The following ABL2 variants were observed in gnomAD, a reference collection of about 807,000 sequenced individuals.
ABL2 encodes ABL proto-oncogene 2, non-receptor tyrosine kinase.
A neutral mutation model predicts 107.7 loss-of-function variants in ABL2; 49 were observed. The observed-to-expected ratio is 0.45, with a 90% CI of 0.36 to 0.58. The LOEUF is 0.58. ABL2 is among the 20% of genes least tolerant of loss of function. The pLI is 0.00. For missense variants in ABL2, 1,245 were observed against 1,457.0 expected (o/e 0.85, Z 2.37); for synonymous variants, 549 against 548.6 (o/e 1.00, Z -0.01).
At chr1:179,217,247 G>A (rs888320622) in intron 1 of ABL2, among the ~76,000 whole-genome samples, 29 of 151,986 alleles carry the variant, frequency 1.9e-4, no homozygotes, top group African/African-American at 2.7e-4. Context: ...CCAAGAGGCC[G>A]AGGTTGCAGT....
At position 179,110,646 on chromosome 1, in the gene ABL2, G is replaced by A. The variant is rs28913884; in HGVS notation, c.1652-191C>T. ...GTATCATGTGTGTAGATTCGTCCAC[G>A]CTGCTGCATGTGGCAGGGGTTCTCA... is the stretch of plus-strand genomic sequence containing the variant. On this transcript the variant is annotated intron_variant, in intron 10 of 11. Transcript: ENST00000502732. The A allele has an allele frequency of 2.6e-3, 3,934 of 1,528,496 alleles. 107 individuals carry two copies. In the African/African-American group the frequency reaches 0.048, roughly 19 times the overall value. 94.7% of individuals were successfully genotyped at this position (1,528,496 alleles called of 1,614,324 possible).
chr1:179,188,808 A>G (rs577301187), intron 1 of ABL2, among the ~76,000 whole-genome samples: 1 of 152,294 alleles, frequency 6.6e-6, no homozygotes, highest in East Asian at 1.9e-4. Flanking sequence ...AATCCATGTT[A>G]TCAACTTTAA....
chr1:179,102,147 G>A lies in ABL2; in HGVS notation c.*5571C>T, dbSNP rs571491799. On this transcript the variant is annotated 3_prime_UTR_variant, in exon 12 of 12. Transcript: ENST00000502732. ...CTGCCTCAGCCTCCCCAGTAGCTGG[G>A]ACTACAGGCGCCCGCCACCACGCCC... 1.8e-5 allele frequency: 3 copies of A among 166,472 alleles called. No individual in the cohort carries two copies. Among genetic ancestry groups the A allele is most frequent in the Non-Finnish European group, 2.6e-5 (2 of 76,312 alleles). 10.3% of individuals were successfully genotyped at this position (166,472 alleles called of 1,614,324 possible).
chr1:179,182,575 T>C (rs760239294), intron 1 of ABL2, among the ~76,000 whole-genome samples: 18 of 152,194 alleles, frequency 1.2e-4, no homozygotes, highest in Non-Finnish European at 1.5e-5. Context: ...TCCAGTTCCA[T>C]CCACGTTGCC....
intron 4 of ABL2, among the ~76,000 whole-genome samples, chr1:179,122,587 A>G (rs1392945954): frequency 6.6e-6 from 1 of 151,720 alleles, no homozygotes; most frequent in African/African-American, 2.4e-5. Flanking sequence ...TTGGTCTTCA[A>G]ATATATATAT....
intron 1 of ABL2, among the ~76,000 whole-genome samples, chr1:179,176,094 A>G (rs538152408): frequency 5.9e-5 from 9 of 151,594 alleles, no homozygotes; most frequent in Non-Finnish European, 1.2e-4. Flanking sequence ...ACCTCAAGTG[A>G]CCCGCCTGCC....
At chr1:179,177,248 C>A (rs1183265454) in intron 1 of ABL2, among the ~76,000 whole-genome samples, 3 of 152,162 alleles carry the variant, frequency 2.0e-5, no homozygotes, top group Non-Finnish European at 4.4e-5. Flanking sequence ...ACTGTCAAGA[C>A]CACTGAACCC....
intron 1 of ABL2, among the ~76,000 whole-genome samples, chr1:179,158,494 G>C (rs1423804044): frequency 1.3e-5 from 2 of 152,076 alleles, no homozygotes; most frequent in Non-Finnish European, 2.9e-5. Context: ...AATTTTCTTG[G>C]ACTATCACAA....
In ABL2 at chr1:179,108,482, G is replaced by T. The variant is rs553308866; in HGVS notation, c.2785C>A (p.His929Asn). ...AAPVLPTTHN[H>N]KVPVLISPTL... The stretch of plus-strand genomic sequence containing the variant: ...GGTGAGATAAGGACTGGCACTTTGT[G>T]GTTGTGAGTGGTTGGGAGGACGGGG... The change falls in exon 12 of 12, where the codon CAC (histidine) becomes AAC (asparagine). Residue 929 changes from histidine to asparagine, a missense_variant. By Grantham distance (68) the His-to-Asn change is moderately conservative. This residue lies in a region of ABL2 where 761 missense variants were observed against 766.4 expected (regional missense o/e 0.99). Coordinates refer to ENST00000502732, the MANE Select transcript of ABL2 (RefSeq NM_007314.4). 89 of 1,614,090 alleles carry T rather than the reference G, an allele frequency of 5.5e-5. No homozygotes were observed. Among genetic ancestry groups the T allele is most frequent in the Non-Finnish European group, 7.4e-5 (87 of 1,180,050 alleles).
intron 1 of ABL2, among the ~76,000 whole-genome samples, chr1:179,134,434 G>A (rs942104775): frequency 6.6e-6 from 1 of 151,724 alleles, no homozygotes; most frequent in Non-Finnish European, 1.5e-5. Context: ...TGGAGGCTGC[G>A]TGGAGGCTGC....
chr1:179,190,543 T>C (rs971103364), intron 1 of ABL2, among the ~76,000 whole-genome samples: 12 of 152,000 alleles, frequency 7.9e-5, no homozygotes, highest in African/African-American at 2.2e-4. Context: ...CTGGCCATTG[T>C]TGATGACGTT....
chr1:179,124,464 C>CTTTTTTTTTTTTTTTTT (rs562899587), intron 4 of ABL2, among the ~76,000 whole-genome samples: 1 of 83,350 alleles, frequency 1.2e-5, no homozygotes, highest in African/African-American at 5.3e-5. Flanking sequence ...TTAGCTTCTG[C>CTTTTTTTTTTTTTTTTT]TTTTTTTTTT....
rs751851602 is a variant in ABL2, at chr1:179,107,856, T to G, written c.3411A>C (p.Arg1137=). 2 of 1,614,164 alleles carry G rather than the reference T, an allele frequency of 1.2e-6. No individual in the cohort carries two copies. The highest frequency in any genetic ancestry group is 1.7e-6 in the Non-Finnish European group (2 of 1,180,032). Residue 1137 remains arginine, a synonymous_variant, in exon 12 of 12, where the codon CGA becomes CGC. Transcript: ENST00000502732. ...TGAGTTCCAGTTTGCTCACAGCCTC[T>G]CGGAAGGCAAATTTGTTGCGAGTTT... ...IPQTRNKFAF[R]EAVSKLELSL...
chr1:179,209,963 CTCTTGGG>C (rs1476232051), intron 1 of ABL2, among the ~76,000 whole-genome samples: 1 of 152,214 alleles, frequency 6.6e-6, no homozygotes, highest in East Asian at 1.9e-4. Context: ...TAACCTCACA[CTCTTGGG>C]CTCAAGCAAT....
chr1:179,143,064 A>G (rs1287815934), intron 1 of ABL2: 3 of 1,613,090 alleles, frequency 1.9e-6, no homozygotes, highest in South Asian at 1.1e-5. Context: ...CAGAAGCACA[A>G]AAGTTAAACT....
intron 3 of ABL2, among the ~76,000 whole-genome samples, chr1:179,129,285 A>T (rs894777217): frequency 6.6e-6 from 1 of 152,214 alleles, no homozygotes; most frequent in Admixed American, 6.5e-5. Context: ...ACAGGAAAAC[A>T]TACCTATGAA....
chr1:179,110,961 T>C, intron 10 of ABL2: 1 of 1,421,414 alleles, frequency 7.0e-7, no homozygotes, highest in South Asian at 1.3e-5. Flanking sequence ...TTGCTAAAAT[T>C]TGATGTTATT....
At chr1:179,226,066 A>G (rs1258572326) in intron 1 of ABL2, among the ~76,000 whole-genome samples, 3 of 147,364 alleles carry the variant, frequency 2.0e-5, no homozygotes, top group African/African-American at 5.0e-5. Flanking sequence ...AAAAAAAAAA[A>G]AAAAGAAACT....
intron 3 of ABL2, among the ~76,000 whole-genome samples, chr1:179,129,775 A>G (rs1656106127): frequency 6.6e-6 from 1 of 151,926 alleles, no homozygotes; most frequent in Non-Finnish European, 1.5e-5. Context: ...CAACCCCCAC[A>G]TACATAACAT....
Sources: gnomAD v4.1 joint callset for allele counts (sites outside exome capture counted in the v4.1 genomes callset) on GRCh38, gnomAD v4.1.1 for gene constraint, gnomAD v4.1.1 regional missense constraint, MANE v1.5 for transcripts, NCBI Gene and HGNC (gene_info 2026-07-23, HGNC 2026-07-21) for gene names.